The following CSMD1 variants were observed in gnomAD, a reference collection of about 807,000 sequenced individuals.
CSMD1 encodes CUB and sushi domain-containing protein 1.
In CSMD1, 213 loss-of-function variants were observed where a neutral mutation model predicts 417.5. The observed-to-expected ratio is 0.51, with a 90% CI of 0.46 to 0.57. The LOEUF (loss-of-function observed/expected upper bound fraction) is 0.57, where lower values mean the gene tolerates loss of function less well. Ranked by LOEUF, CSMD1 falls within the 20% of genes least tolerant of loss-of-function variation. The pLI is 0.00. For synonymous variants in CSMD1, 2,862 were observed against 1,736.8 expected (o/e 1.65, Z -16.11); for missense variants, 6,923 against 4,529.7 (o/e 1.53, Z -15.17).
In CSMD1 at chr8:3,199,743, G is replaced by C. The variant is rs1333767205; in HGVS notation, c.5165C>G (p.Ser1722Cys). The C allele has an allele frequency of 6.3e-7, 1 of 1,589,382 alleles. No individual in the cohort carries two copies. Among genetic ancestry groups the C allele is most frequent in the African/African-American group, 1.3e-5 (1 of 74,682 alleles). The change falls in exon 33 of 70, where the codon TCT (serine) becomes TGT (cysteine). Residue 1722 changes from serine (S) to cysteine (C), a missense_variant. By Grantham distance (112) the Ser-to-Cys change is moderately radical. Coordinates refer to ENST00000635120, the MANE Select transcript of CSMD1 (RefSeq NM_033225.6). The part of the protein sequence containing the change: ...LLRFSAKSGA[S>C]ARGFHFVYQA... ...ATACACGAAGTGGAAGCCGCGGGCA[G>C]AGGCACCGCTCTTTGCACTGAATCG...
intron 2 of CSMD1, among the ~76,000 whole-genome samples, chr8:4,601,284 G>C (rs948260385): frequency 2.0e-5 from 3 of 152,188 alleles, no homozygotes; most frequent in Non-Finnish European, 4.4e-5. Flanking sequence ...ATGAGAATAA[G>C]ACAGGGAGTA....
At chr8:3,276,420 C>G (rs908297562) in intron 26 of CSMD1, among the ~76,000 whole-genome samples, 2 of 152,162 alleles carry the variant, frequency 1.3e-5, no homozygotes, top group African/African-American at 4.8e-5. Flanking sequence ...CTTGGCTTCT[C>G]CGACTGCAAG....
At chr8:3,816,458 T>C (rs569998461) in intron 5 of CSMD1, among the ~76,000 whole-genome samples, 1 of 152,312 alleles carries the variant, frequency 6.6e-6, no homozygotes, top group Non-Finnish European at 1.5e-5. Flanking sequence ...ATTCCGTTAG[T>C]AGCTGTTATG....
chr8:4,952,070 A>G (rs1201689541), intron 1 of CSMD1, among the ~76,000 whole-genome samples: 1 of 151,726 alleles, frequency 6.6e-6, no homozygotes. Flanking sequence ...AATTGTAAGC[A>G]AATATGCTGC....
chr8:4,714,037 C>T lies in CSMD1; in HGVS notation c.86-76479G>A, dbSNP rs146265920. The stretch of plus-strand genomic sequence containing the variant: ...GCAGGTGCCTGTAATCCCAGCTACT[C>T]GGGAGACTGAGGCAGGAGGATCACC... On this transcript the variant is annotated intron_variant, in intron 1 of 69. Coordinates refer to ENST00000635120, the MANE Select transcript of CSMD1 (RefSeq NM_033225.6). Among the ~76,000 whole-genome samples, 163 of 151,890 alleles carry T rather than the reference C, an allele frequency of 1.1e-3. 2 individuals are homozygous for T. The highest frequency in any genetic ancestry group is 3.7e-3 in the African/African-American group (153 of 41,414).
intron 26 of CSMD1, among the ~76,000 whole-genome samples, chr8:3,233,717 G>C (rs973576232): frequency 1.3e-5 from 2 of 152,188 alleles, no homozygotes; most frequent in East Asian, 1.9e-4. Flanking sequence ...TGTAAACTAA[G>C]TTGTTTGTAA....
intron 5 of CSMD1, among the ~76,000 whole-genome samples, chr8:3,803,099 G>A (rs902547263): frequency 6.6e-6 from 1 of 152,184 alleles, no homozygotes; most frequent in Non-Finnish European, 1.5e-5. Flanking sequence ...TCAAAATGCA[G>A]TGTTCTCTCC....
chr8:4,851,406 T>C (rs1278637484), intron 1 of CSMD1, among the ~76,000 whole-genome samples: 1 of 152,102 alleles, frequency 6.6e-6, no homozygotes, highest in Non-Finnish European at 1.5e-5. Context: ...TTTTGTTTTT[T>C]TCCTGGCTGC....
chr8:4,940,880 G>C (rs1472656846), intron 1 of CSMD1, among the ~76,000 whole-genome samples: 1 of 152,052 alleles, frequency 6.6e-6, no homozygotes, highest in Non-Finnish European at 1.5e-5. Flanking sequence ...TTTTCTTCAG[G>C]TAATTTTATC....
chr8:3,850,046 T>C (rs1224814057), intron 5 of CSMD1, among the ~76,000 whole-genome samples: 4 of 152,160 alleles, frequency 2.6e-5, no homozygotes, highest in African/African-American at 9.7e-5. Flanking sequence ...TCCACCAGCC[T>C]CAGCCTCTCA....
At chr8:4,845,177 G>C (rs768496008) in intron 1 of CSMD1, among the ~76,000 whole-genome samples, 2 of 152,118 alleles carry the variant, frequency 1.3e-5, no homozygotes, top group Admixed American at 1.3e-4. Flanking sequence ...GAGAAGTAGA[G>C]TATAACACAT....
chr8:4,091,472 G>T (rs1231126278), intron 3 of CSMD1, among the ~76,000 whole-genome samples: 1 of 152,016 alleles, frequency 6.6e-6, no homozygotes, highest in Non-Finnish European at 1.5e-5. Flanking sequence ...GCAAACAGAG[G>T]GATTTTTAAA....
At chr8:3,441,873 A>C (rs531723171) in intron 12 of CSMD1, among the ~76,000 whole-genome samples, 4 of 152,188 alleles carry the variant, frequency 2.6e-5, no homozygotes, top group East Asian at 3.9e-4. Context: ...AAACAGCCTT[A>C]GGCAGGTCCG....
At chr8:3,951,785 A>G (rs1811617326) in intron 5 of CSMD1, among the ~76,000 whole-genome samples, 1 of 152,178 alleles carries the variant, frequency 6.6e-6, no homozygotes. Context: ...TGTGCTGAGA[A>G]CAAATTAGTG....
chr8:4,543,507 G>C (rs1030304451), intron 2 of CSMD1, among the ~76,000 whole-genome samples: 3 of 151,840 alleles, frequency 2.0e-5, no homozygotes, highest in Admixed American at 6.6e-5. Context: ...TTGATTATCT[G>C]TATGGACCAC....
At chr8:3,977,716 G>A (rs933454634) in intron 5 of CSMD1, among the ~76,000 whole-genome samples, 8 of 152,126 alleles carry the variant, frequency 5.3e-5, no homozygotes, top group African/African-American at 1.7e-4. Context: ...ATAGATGCCT[G>A]GAAATGAAAT....
intron 2 of CSMD1, among the ~76,000 whole-genome samples, chr8:4,499,878 T>C (rs1034787787): frequency 6.6e-6 from 1 of 152,186 alleles, no homozygotes; most frequent in Non-Finnish European, 1.5e-5. Context: ...GGGAAAGTAA[T>C]GGTTAGTATT....
chr8:4,134,896 G>C (rs749415742), intron 3 of CSMD1, among the ~76,000 whole-genome samples: 1 of 152,096 alleles, frequency 6.6e-6, no homozygotes, highest in African/African-American at 2.4e-5. Context: ...TGCTCGGAAG[G>C]CTTTCAATTA....
chr8:3,661,995 G>A (rs918739575), intron 7 of CSMD1, among the ~76,000 whole-genome samples: 4 of 152,158 alleles, frequency 2.6e-5, no homozygotes, highest in Non-Finnish European at 4.4e-5. Flanking sequence ...GAGGAGCTAC[G>A]CAGACCTTGA....
Sources: gnomAD v4.1 joint callset for allele counts (sites outside exome capture counted in the v4.1 genomes callset) on GRCh38, gnomAD v4.1.1 for gene constraint, MANE v1.5 for transcripts, NCBI Gene and HGNC (gene_info 2026-07-23, HGNC 2026-07-21) for gene names.